ZSCAN25: variants seen among roughly 807,000 people sequenced by gnomAD.
ZSCAN25 encodes zinc finger and SCAN domain containing 25.
A neutral mutation model predicts 38.7 loss-of-function variants in ZSCAN25; 27 were observed. That is an observed-to-expected ratio of 0.70 (90% CI 0.51 to 0.96). The LOEUF (loss-of-function observed/expected upper bound fraction) is 0.96, where lower values mean the gene tolerates loss of function less well. Among genes scored for constraint, ZSCAN25 ranks in the 40% least tolerant of loss-of-function variants. The pLI, the probability that ZSCAN25 is intolerant of heterozygous loss-of-function variation, is 0.00. For missense variants in ZSCAN25, 637 were observed against 705.9 expected, an observed-to-expected ratio of 0.90 and a Z score of 1.11; for synonymous variants, 273 against 277.7, an observed-to-expected ratio of 0.98 and a Z score of 0.17.
chr7:99,631,770 G>A lies in ZSCAN25; in HGVS notation c.*1750G>A. The A allele has an allele frequency of 2.0e-6, 2 of 985,438 alleles. No individual in the cohort carries two copies. The highest frequency in any genetic ancestry group is 2.4e-6 in the Non-Finnish European group (2 of 829,956). 61.0% of individuals were successfully genotyped at this position (985,438 alleles called of 1,614,324 possible). A position where few individuals can be genotyped will look rare whatever the true frequency, so the allele number is the denominator to read the frequency against. ...TTGGCTTAGCAAATGACGCTCCTTG[G>A]TCTTCCTGGCTCATTAGCTGTGCCC... On this transcript the variant is annotated 3_prime_UTR_variant, in exon 8 of 8. Transcript: ENST00000394152.
At chr7:99,632,949 A>G (rs781696693), downstream of ZSCAN25, among the ~76,000 whole-genome samples, 2 of 145,146 alleles carry the variant, frequency 1.4e-5, no homozygotes, top group Admixed American at 6.9e-5. Context: ...AAACTCGATC[A>G]TTTATCCTGG....
chr7:99,672,037 C>T, the ZSCAN25 span, among the ~76,000 whole-genome samples: 12 of 150,696 alleles, frequency 8.0e-5, no homozygotes, highest in East Asian at 1.9e-4. Context: ...TGCAGTTTGC[C>T]GGTTTTTGTT....
chr7:99,709,774 A>ATGTGTGTG, the ZSCAN25 span, among the ~76,000 whole-genome samples: 5 of 150,274 alleles, frequency 3.3e-5, no homozygotes, highest in East Asian at 5.8e-4. Flanking sequence ...TATTATATAT[A>ATGTGTGTG]TGTGTGTGTG....
chr7:99,720,130 T>G, the ZSCAN25 span, among the ~76,000 whole-genome samples: 1 of 152,194 alleles, frequency 6.6e-6, no homozygotes. Context: ...TGCAGTAATG[T>G]GAATATACTG....
chr7:99,665,321 G>A, the ZSCAN25 span: 10 of 1,613,928 alleles, frequency 6.2e-6, no homozygotes, highest in South Asian at 5.5e-5. Context: ...GATGCTGAGT[G>A]GAGAAAGATA....
At chr7:99,709,016 C>A in the ZSCAN25 span, 1 of 1,613,808 alleles carries the variant, frequency 6.2e-7, no homozygotes, top group Non-Finnish European at 8.5e-7. Flanking sequence ...GGAGGGCTCC[C>A]TTCCCAGGGG....
the ZSCAN25 span, chr7:99,674,253 T>A: frequency 3.4e-4 from 102 of 297,454 alleles, no homozygotes; most frequent in Non-Finnish European, 5.6e-4. Context: ...CTAACAATAA[T>A]TATCTCAAAA....
At chr7:99,735,407 G>T in the ZSCAN25 span, among the ~76,000 whole-genome samples, 1 of 152,048 alleles carries the variant, frequency 6.6e-6, no homozygotes, top group Non-Finnish European at 1.5e-5. Context: ...ATGTTACTGG[G>T]GAGTCCAAGG....
the ZSCAN25 span, among the ~76,000 whole-genome samples, chr7:99,704,308 T>C: frequency 6.6e-6 from 1 of 152,118 alleles, no homozygotes; most frequent in Non-Finnish European, 1.5e-5. Context: ...ATTTTATTTT[T>C]TAGATGCAGT....
At chr7:99,703,056 A>G in the ZSCAN25 span, among the ~76,000 whole-genome samples, 16 of 152,226 alleles carry the variant, frequency 1.1e-4, no homozygotes, top group African/African-American at 3.9e-4. Context: ...CACTATTGGC[A>G]TATAGAAATG....
chr7:99,649,762 A>G, the ZSCAN25 span, among the ~76,000 whole-genome samples: 4 of 152,222 alleles, frequency 2.6e-5, no homozygotes, highest in East Asian at 1.9e-4. Context: ...ACAGCCAGGT[A>G]ATCATTGCAC....
chr7:99,699,063 A>G, the ZSCAN25 span, among the ~76,000 whole-genome samples: 113,706 of 151,894 alleles, frequency 0.75, 46,160 homozygotes, highest in Non-Finnish European at 0.91. Context: ...GATGCCAGGA[A>G]TCCCACCAGT....
the ZSCAN25 span, chr7:99,638,366 C>G: frequency 6.2e-7 from 1 of 1,601,824 alleles, no homozygotes; most frequent in Non-Finnish European, 8.5e-7. Flanking sequence ...TCTCCTGGAT[C>G]TTGTGGGGTT....
At chr7:99,641,236 AT>A in the ZSCAN25 span, among the ~76,000 whole-genome samples, 1 of 152,178 alleles carries the variant, frequency 6.6e-6, no homozygotes, top group Non-Finnish European at 1.5e-5. Flanking sequence ...ACTTACAATC[AT>A]GGTTGAAGGG....
chr7:99,687,896 C>A, the ZSCAN25 span, among the ~76,000 whole-genome samples: 1 of 152,066 alleles, frequency 6.6e-6, no homozygotes, highest in African/African-American at 2.4e-5. Context: ...AATTTTCAAC[C>A]CAGAATCTCA....
At chr7:99,660,708 A>G in the ZSCAN25 span, 5 of 1,595,584 alleles carry the variant, frequency 3.1e-6, no homozygotes, top group Non-Finnish European at 4.3e-6. Flanking sequence ...AACGTACAAC[A>G]TCACAGCTTA....
chr7:99,629,465 C>T lies in ZSCAN25; in HGVS notation c.1080C>T (p.Ser360=), dbSNP rs1420072786. ...CPECGKGFSR[S]SNLVRHQRTH... is the part of the protein sequence containing the mutation. The stretch of plus-strand genomic sequence containing the variant: ...AGTGTGGGAAAGGATTCAGTCGGAG[C>T]TCCAATCTCGTCAGGCACCAGCGAA... Residue 360 remains serine, a synonymous_variant, in exon 8 of 8, where the codon AGC becomes AGT. Coordinates refer to ENST00000394152, the MANE Select transcript of ZSCAN25 (RefSeq NM_145115.3). This position sits in a 1 kb window ranked among gnomAD's most constrained non-coding sequence, Gnocchi z 5.6. 6 of 1,614,120 alleles carry T rather than the reference C, an allele frequency of 3.7e-6. No individual in the cohort carries two copies. Among genetic ancestry groups the T allele is most frequent in the Non-Finnish European group, 4.2e-6 (5 of 1,180,046 alleles).
chr7:99,699,345 A>G, the ZSCAN25 span, among the ~76,000 whole-genome samples: 2 of 152,078 alleles, frequency 1.3e-5, no homozygotes, highest in African/African-American at 4.8e-5. Flanking sequence ...GGAGTGAGTC[A>G]TAGGAGGGAG....
At position 99,629,922 on chromosome 7, in the gene ZSCAN25, C is replaced by T; in HGVS notation, c.1537C>T (p.Pro513Ser). 2 of 1,614,162 alleles carry T rather than the reference C, an allele frequency of 1.2e-6. No individual in the cohort carries two copies. The highest frequency in any genetic ancestry group is 8.5e-7 in the Non-Finnish European group (1 of 1,179,988). The change falls in exon 8 of 8, where the codon CCC becomes TCC. Residue 513 changes from proline to serine, a missense_variant. Physicochemically the swap from Pro to Ser is moderately conservative, Grantham distance 74. Transcript: ENST00000394152. The surrounding 1 kb of genome is among the most constrained non-coding windows in gnomAD (Gnocchi z 5.6). ...RHQRIHTGEK[P>S]YHCPACGRSF... ...CCAGAGAATCCATACAGGGGAGAAG[C>T]CCTACCACTGTCCTGCCTGCGGGCG...
Sources: allele counts gnomAD v4.1 joint callset (sites outside exome capture counted in the v4.1 genomes callset), GRCh38; gene constraint gnomAD v4.1.1; non-coding constraint Gnocchi (gnomAD v3.1); transcripts MANE v1.5; gene names NCBI Gene and HGNC (gene_info 2026-07-23, HGNC 2026-07-21).